The following RBMS3 variants were observed in gnomAD, a reference collection of about 807,000 sequenced individuals.
RBMS3 encodes the protein RNA-binding motif, single-stranded-interacting protein 3.
RBMS3 carries 27 observed loss-of-function variants against 66.8 expected under a neutral mutation model. The observed-to-expected ratio is 0.40, with a 90% CI of 0.30 to 0.56. The LOEUF (loss-of-function observed/expected upper bound fraction) is 0.56. Among genes scored for constraint, RBMS3 ranks in the 20% least tolerant of loss-of-function variants. The pLI is 0.40. For synonymous variants in RBMS3, 188 were observed against 183.0 expected (o/e 1.03, Z -0.22); for missense variants, 513 against 549.5 (o/e 0.93, Z 0.66).
intron 4 of RBMS3, among the ~76,000 whole-genome samples, chr3:29,595,388 G>A (rs1348588738): frequency 7.8e-6 from 1 of 129,004 alleles, no homozygotes; most frequent in African/African-American, 3.1e-5. Flanking sequence ...GACAGTGTAA[G>A]AGTCAGTCTA....
At chr3:29,536,256 A>G (rs1484428292) in intron 3 of RBMS3, among the ~76,000 whole-genome samples, 1 of 152,204 alleles carries the variant, frequency 6.6e-6, no homozygotes, top group Non-Finnish European at 1.5e-5. Flanking sequence ...TAATTTCATT[A>G]AATGGAAGCT....
intron 3 of RBMS3, among the ~76,000 whole-genome samples, chr3:29,524,960 G>A (rs2045034856): frequency 1.3e-5 from 2 of 152,040 alleles, no homozygotes; most frequent in Admixed American, 6.5e-5. Flanking sequence ...AGGGGGCTAA[G>A]GCAGGATTGC....
intron 6 of RBMS3, among the ~76,000 whole-genome samples, chr3:29,799,882 T>C (rs2057334300): frequency 1.3e-5 from 2 of 152,310 alleles, no homozygotes; most frequent in Middle Eastern, 3.4e-3. Context: ...TTGGGAGCTT[T>C]AGTTATATCA....
chr3:29,472,675 C>T (rs957565500), intron 2 of RBMS3, among the ~76,000 whole-genome samples: 5 of 151,902 alleles, frequency 3.3e-5, no homozygotes, highest in African/African-American at 1.2e-4. Flanking sequence ...TAAGGCGGCG[C>T]GTCTGGAGTT....
intron 5 of RBMS3, among the ~76,000 whole-genome samples, chr3:29,756,897 C>T (rs936953478): frequency 8.5e-5 from 13 of 152,132 alleles, no homozygotes; most frequent in African/African-American, 2.9e-4. Flanking sequence ...GCTCACTACC[C>T]TCCTGGCATA....
At chr3:29,797,869 A>G (rs1303462850) in intron 6 of RBMS3, 1 of 152,102 alleles carries the variant, frequency 6.6e-6, no homozygotes, top group East Asian at 1.9e-4. Context: ...GAAATCATTT[A>G]TTTTTGCTTA....
At chr3:29,577,352 CTGCCTTACTTA>C (rs1007143638) in intron 3 of RBMS3, among the ~76,000 whole-genome samples, 3 of 152,226 alleles carry the variant, frequency 2.0e-5, no homozygotes, top group Non-Finnish European at 4.4e-5. Context: ...TTGCTGTGAG[CTGCCTTACTTA>C]TGGCTGGGGG....
At chr3:29,474,794 A>C (rs745647990) in intron 2 of RBMS3, among the ~76,000 whole-genome samples, 14 of 152,214 alleles carry the variant, frequency 9.2e-5, no homozygotes, top group Non-Finnish European at 1.6e-4. Flanking sequence ...AGACAAAGCA[A>C]GTTGTGAGTA....
chr3:30,005,350 G>A lies in RBMS3; in HGVS notation c.*1488G>A, dbSNP rs562243288. Reference sequence around the variant, plus strand: ...AGAGCCAAGTGGCTTTAAATTCTGTGAGCTTTTCTGGTTTCTCACTAGCTG... The same window carrying A: ...AGAGCCAAGTGGCTTTAAATTCTGTAAGCTTTTCTGGTTTCTCACTAGCTG... On this transcript the variant is annotated 3_prime_UTR_variant, in exon 15 of 15. Transcript: ENST00000383767. 3 of 151,782 alleles carry A rather than the reference G, an allele frequency of 2.0e-5. No individual in the cohort carries two copies. The highest frequency in any genetic ancestry group is 4.4e-5 in the Non-Finnish European group (3 of 67,800). The allele number at this position is 151,782 out of a possible 1,614,324, so 9.4% of individuals were successfully genotyped here.
At chr3:29,308,824 C>T (rs929487316) in intron 1 of RBMS3, among the ~76,000 whole-genome samples, 2 of 144,634 alleles carry the variant, frequency 1.4e-5, no homozygotes, top group Admixed American at 1.4e-4. Flanking sequence ...AAGAAGAAAG[C>T]TTGATTTTGG....
chr3:29,709,471 A>C (rs1481495472), intron 4 of RBMS3, among the ~76,000 whole-genome samples: 1 of 152,174 alleles, frequency 6.6e-6, no homozygotes, highest in East Asian at 1.9e-4. Flanking sequence ...TTTTGTGAGA[A>C]ATATGTTGGC....
rs558204138 is a variant in RBMS3, at chr3:29,811,425, C to T, written c.637+48436C>T. 2.6e-5 allele frequency among the ~76,000 whole-genome samples: 4 copies of T among 151,632 alleles called. No individual in the cohort carries two copies. The South Asian group carries it at 8.3e-4, about 32-fold the overall frequency. On this transcript the variant is annotated intron_variant, in intron 6 of 14. Transcript: ENST00000383767. ...TAGACTGGCTCTCTTCTGTGATGCT[C>T]ACTACATTTATTCTACAAATATTTT...
intron 1 of RBMS3, among the ~76,000 whole-genome samples, chr3:29,355,721 A>AAAAG (rs1207258886): frequency 2.0e-5 from 3 of 152,132 alleles, no homozygotes; most frequent in Admixed American, 1.3e-4. Flanking sequence ...AAATGAGGGG[A>AAAAG]AAAGCATTGA....
At chr3:29,669,811 G>T (rs1354868709) in intron 4 of RBMS3, among the ~76,000 whole-genome samples, 1 of 152,114 alleles carries the variant, frequency 6.6e-6, no homozygotes, top group East Asian at 1.9e-4. Flanking sequence ...CTGAAGGAAG[G>T]ACTGGTTTCT....
chr3:29,371,528 C>A (rs2038202598), intron 1 of RBMS3, among the ~76,000 whole-genome samples: 1 of 152,140 alleles, frequency 6.6e-6, no homozygotes, highest in Non-Finnish European at 1.5e-5. Context: ...TAAGGGACAC[C>A]ATGCACCAAT....
At chr3:29,914,115 G>T (rs960493842) in intron 10 of RBMS3, among the ~76,000 whole-genome samples, 2 of 151,898 alleles carry the variant, frequency 1.3e-5, no homozygotes, top group Non-Finnish European at 2.9e-5. Flanking sequence ...TTTATATGAG[G>T]TTATTCAGAG....
At chr3:29,749,317 C>A (rs2055070291) in intron 5 of RBMS3, among the ~76,000 whole-genome samples, 1 of 152,138 alleles carries the variant, frequency 6.6e-6, no homozygotes, top group South Asian at 2.1e-4. Flanking sequence ...TAGTTTTCTT[C>A]TGAAACATTA....
At chr3:29,489,876 C>T (rs1348935992) in intron 3 of RBMS3, among the ~76,000 whole-genome samples, 1 of 151,316 alleles carries the variant, frequency 6.6e-6, no homozygotes, top group Non-Finnish European at 1.5e-5. Flanking sequence ...AACCCTGTCT[C>T]TACTAAAAAT....
chr3:29,629,729 A>G (rs1427280503), intron 4 of RBMS3, among the ~76,000 whole-genome samples: 1 of 151,916 alleles, frequency 6.6e-6, no homozygotes, highest in Non-Finnish European at 1.5e-5. Flanking sequence ...ATTTTATTTT[A>G]TGTCCTATAC....
Sources: allele counts gnomAD v4.1 joint callset (sites outside exome capture counted in the v4.1 genomes callset), GRCh38; gene constraint gnomAD v4.1.1; transcripts MANE v1.5; gene names NCBI Gene and HGNC (gene_info 2026-07-23, HGNC 2026-07-21).